The following ADARB1 variants were observed in gnomAD, a reference collection of about 807,000 sequenced individuals.
ADARB1 encodes double-stranded RNA-specific editase 1.
In ADARB1, 10 loss-of-function variants were observed where a neutral mutation model predicts 52.4. That is an observed-to-expected ratio of 0.19 (90% CI 0.12 to 0.32). The LOEUF (loss-of-function observed/expected upper bound fraction) is 0.32, where lower values mean the gene tolerates loss of function less well. Ranked by LOEUF, ADARB1 falls within the 10% of genes least tolerant of loss-of-function variation. The pLI is 1.00. For missense variants in ADARB1, 643 were observed against 922.3 expected, an observed-to-expected ratio of 0.70 and a Z score of 3.92; for synonymous variants, 349 against 371.1, an observed-to-expected ratio of 0.94 and a Z score of 0.68.
chr21:45,183,665 C>A (rs1462860004), intron 7 of ADARB1, among the ~76,000 whole-genome samples, 155 bp downstream of exon 7: 1 of 152,020 alleles, frequency 6.6e-6, no homozygotes, highest in Non-Finnish European at 1.5e-5. Flanking sequence ...GGATTTTTTT[C>A]TTTCCAATTA....
chr21:45,096,270 A>G (rs920396356), intron 1 of ADARB1, among the ~76,000 whole-genome samples: 2 of 152,240 alleles, frequency 1.3e-5, no homozygotes, highest in Non-Finnish European at 2.9e-5. Flanking sequence ...TTCTGCAGGA[A>G]AGAGTGCGTG....
chr21:45,076,390 C>A (rs1271118358), intron 1 of ADARB1, among the ~76,000 whole-genome samples: 1 of 152,178 alleles, frequency 6.6e-6, no homozygotes, highest in Non-Finnish European at 1.5e-5. Context: ...TGAACTCACA[C>A]AGACTCTGAA....
Position 45,221,974 on chromosome 21 carries a change from G to T in ADARB1, c.1927-44G>T, listed in dbSNP as rs1300706071. On this transcript the variant is annotated intron_variant, in intron 10 of 10. Coordinates refer to ENST00000348831, the MANE Select transcript of ADARB1 (RefSeq NM_001112.4). The surrounding 1 kb of genome is among the most constrained non-coding windows in gnomAD (Gnocchi z 4.9). ...ATCTTATTAGGTGTTGTTTTCATCT[G>T]TTACAGCGTCAACAGTTGCATTTGT... 7.5e-6 allele frequency: 12 copies of T among 1,591,166 alleles called. No individual in the cohort carries two copies. In the South Asian group the frequency reaches 7.8e-5, roughly 10 times the overall value.
chr21:45,105,398 G>A (rs1212935470), intron 1 of ADARB1, among the ~76,000 whole-genome samples: 1 of 152,094 alleles, frequency 6.6e-6, no homozygotes. Context: ...CACTGCACCC[G>A]GCCTGCTTCT....
intron 2 of ADARB1, among the ~76,000 whole-genome samples, chr21:45,170,512 A>T (rs1443808349): frequency 6.6e-6 from 1 of 152,062 alleles, no homozygotes; most frequent in Non-Finnish European, 1.5e-5. Context: ...ACTTTTAGCA[A>T]CACATTTGCC....
At chr21:45,187,088 T>C (rs2092133794) in intron 8 of ADARB1, among the ~76,000 whole-genome samples, 1 of 152,240 alleles carries the variant, frequency 6.6e-6, no homozygotes, top group African/African-American at 2.4e-5. Flanking sequence ...AGGGATTATG[T>C]TGACTCTATA....
intron 1 of ADARB1, among the ~76,000 whole-genome samples, chr21:45,119,069 A>G (rs1022162615): frequency 6.6e-6 from 1 of 152,192 alleles, no homozygotes; most frequent in African/African-American, 2.4e-5. Context: ...GTACTTTATC[A>G]CCATTTTTAA....
At chr21:45,174,377 C>T (rs1043698693) in intron 3 of ADARB1, among the ~76,000 whole-genome samples, 1 of 152,078 alleles carries the variant, frequency 6.6e-6, no homozygotes, top group African/African-American at 2.4e-5. Flanking sequence ...TTTTAAAAAG[C>T]TTGATGAACA....
intron 1 of ADARB1, among the ~76,000 whole-genome samples, chr21:45,076,373 G>A (rs7275931): frequency 6.6e-6 from 1 of 152,158 alleles, no homozygotes; most frequent in Non-Finnish European, 1.5e-5. Flanking sequence ...GCCTGTGGTG[G>A]AGAGGATGAA....
At chr21:45,099,740 A>C (rs1283239675) in intron 1 of ADARB1, among the ~76,000 whole-genome samples, 3 of 152,194 alleles carry the variant, frequency 2.0e-5, no homozygotes, top group Non-Finnish European at 4.4e-5. Context: ...AATCCAAAAC[A>C]TGCACAGTAA....
intron 8 of ADARB1, among the ~76,000 whole-genome samples, chr21:45,203,251 C>G (rs961035372): frequency 6.6e-6 from 1 of 152,232 alleles, no homozygotes; most frequent in Non-Finnish European, 1.5e-5. Context: ...CCCTGCCCCC[C>G]AGGCTGGGAC....
chr21:45,181,931 A>G (rs1353025371), intron 5 of ADARB1, among the ~76,000 whole-genome samples: 1 of 152,238 alleles, frequency 6.6e-6, no homozygotes, highest in African/African-American at 2.4e-5. Flanking sequence ...CATGGTGTGC[A>G]CACCATTGGT....
chr21:45,222,404 G>T lies in ADARB1; in HGVS notation c.*207G>T, dbSNP rs1336967130. Reference sequence around the variant, plus strand: ...GTGGGGAGGGGATGGGGTGCGTCAGGGCCCAGCATCGCCGCCTGGCATCTC... The same window carrying T: ...GTGGGGAGGGGATGGGGTGCGTCAGTGCCCAGCATCGCCGCCTGGCATCTC... On this transcript the variant is annotated 3_prime_UTR_variant, in exon 11 of 11. Transcript: ENST00000348831. 2 of 1,301,840 alleles carry T rather than the reference G, an allele frequency of 1.5e-6. No homozygotes were observed. The highest frequency in any genetic ancestry group is 3.1e-5 in the African/African-American group (2 of 65,216). The allele number at this position is 1,301,840 out of a possible 1,614,324, so 80.6% of individuals were successfully genotyped here. A position where few individuals can be genotyped will look rare whatever the true frequency, so the allele number is the denominator to read the frequency against.
chr21:45,159,614 C>T (rs2090855833), intron 2 of ADARB1, among the ~76,000 whole-genome samples: 1 of 152,194 alleles, frequency 6.6e-6, no homozygotes, highest in Non-Finnish European at 1.5e-5. Context: ...TGTGAGCATA[C>T]AAGAGGGGTG....
chr21:45,215,091 A>T (rs543965470), intron 9 of ADARB1, among the ~76,000 whole-genome samples: 2 of 152,296 alleles, frequency 1.3e-5, no homozygotes, highest in African/African-American at 4.8e-5. Flanking sequence ...TCTTTCACCC[A>T]GGCTGGAGTG....
intron 1 of ADARB1, among the ~76,000 whole-genome samples, chr21:45,107,586 TG>T (rs1026046626): frequency 6.6e-6 from 1 of 152,164 alleles, no homozygotes; most frequent in African/African-American, 2.4e-5. Context: ...CTCAGATTGT[TG>T]GGTCAAAGAT....
intron 7 of ADARB1, 114 bp from the exon 8 acceptor site, chr21:45,184,809 C>G: frequency 8.8e-7 from 1 of 1,134,932 alleles, no homozygotes; most frequent in Non-Finnish European, 1.3e-6. Flanking sequence ...TAAACATATG[C>G]ATTTATATGC....
At chr21:45,077,094 C>T (rs1336753665) in intron 1 of ADARB1, among the ~76,000 whole-genome samples, 1 of 152,176 alleles carries the variant, frequency 6.6e-6, no homozygotes, top group East Asian at 1.9e-4. Context: ...TATGACAAAC[C>T]TTGCTATAGT....
At chr21:45,081,031 G>A (rs1458827034) in intron 1 of ADARB1, among the ~76,000 whole-genome samples, 1 of 152,140 alleles carries the variant, frequency 6.6e-6, no homozygotes, top group Non-Finnish European at 1.5e-5. Flanking sequence ...CTTCTCAGTA[G>A]TTCAGCCAAT....
Sources: allele counts gnomAD v4.1 joint callset (sites outside exome capture counted in the v4.1 genomes callset), GRCh38; gene constraint gnomAD v4.1.1; non-coding constraint Gnocchi (gnomAD v3.1); transcripts MANE v1.5; gene names NCBI Gene and HGNC (gene_info 2026-07-23, HGNC 2026-07-21).